Variants in ZCRB1 observed in about 807,000 individuals in gnomAD.
The protein encoded by ZCRB1 is zinc finger CCHC-type and RNA binding motif containing 1.
Under a neutral mutation model 29.9 loss-of-function variants are expected in ZCRB1, and 21 were observed. That is an observed-to-expected ratio of 0.70 (90% CI 0.50 to 1.01). The LOEUF (loss-of-function observed/expected upper bound fraction) is 1.01. Ranked by LOEUF, ZCRB1 falls within the 50% of genes least tolerant of loss-of-function variation. The probability of loss-of-function intolerance (pLI) is 0.00; values close to 1 mark genes in which losing one functional copy is unlikely to be tolerated. For missense variants in ZCRB1, 204 were observed against 253.3 expected (o/e 0.81, Z 1.32); for synonymous variants, 77 against 80.0 (o/e 0.96, Z 0.20).
intron 5 of ZCRB1, among the ~76,000 whole-genome samples, chr12:42,314,397 TAAAAAAAA>T (rs71084639): frequency 3.6e-5 from 1 of 27,756 alleles, no homozygotes; most frequent in Non-Finnish European, 5.9e-5. Flanking sequence ...CCGTCTCTAC[TAAAAAAAA>T]AAAAAAAAAA....
chr12:42,320,273 C>G (rs1236575349), intron 3 of ZCRB1, among the ~76,000 whole-genome samples: 1 of 152,136 alleles, frequency 6.6e-6, no homozygotes, highest in African/African-American at 2.4e-5. Flanking sequence ...CTAAATAGTA[C>G]CCACTTTGCT....
chr12:42,322,653 T>TAA (rs2068627603), intron 2 of ZCRB1, among the ~76,000 whole-genome samples: 1 of 152,226 alleles, frequency 6.6e-6, no homozygotes, highest in Non-Finnish European at 1.5e-5. Context: ...TGTCTGTTTC[T>TAA]AAATTTGACA....
At chr12:42,313,801 C>A (rs1413091301) in intron 6 of ZCRB1, 36 bp from the exon 7 acceptor site, 4 of 1,612,230 alleles carry the variant, frequency 2.5e-6, no homozygotes, top group Non-Finnish European at 3.4e-6. Context: ...ATGTAACCAA[C>A]CAATAATCAA....
chr12:42,316,635 T>A (rs529935397), intron 5 of ZCRB1, among the ~76,000 whole-genome samples: 1 of 152,194 alleles, frequency 6.6e-6, no homozygotes, highest in Non-Finnish European at 1.5e-5. Context: ...ATAAAAAACT[T>A]CAAAACACAA....
chr12:42,313,350 TTC>T, intron 7 of ZCRB1, 152 bp from the exon 8 acceptor site: 1 of 853,796 alleles, frequency 1.2e-6, no homozygotes, highest in Non-Finnish European at 1.7e-6. Context: ...TTCCCCTGAG[TTC>T]TGTCTCATCT....
chr12:42,316,897 T>C (rs1226876426), intron 5 of ZCRB1, among the ~76,000 whole-genome samples: 1 of 152,184 alleles, frequency 6.6e-6, no homozygotes, highest in African/African-American at 2.4e-5. Context: ...TGAATTTACT[T>C]TGATGAGTTT....
intron 7 of ZCRB1, among the ~76,000 whole-genome samples, 180 bp downstream of exon 7, chr12:42,313,510 A>G (rs973579706): frequency 1.3e-5 from 2 of 152,228 alleles, no homozygotes; most frequent in Non-Finnish European, 2.9e-5. Flanking sequence ...AAATCTAGGA[A>G]GAACCAATGG....
chr12:42,316,100 T>A (rs927468630), intron 5 of ZCRB1, among the ~76,000 whole-genome samples: 9 of 152,048 alleles, frequency 5.9e-5, no homozygotes, highest in Non-Finnish European at 1.5e-5. Context: ...ATTTTATGTT[T>A]ATTTTTATTT....
intron 5 of ZCRB1, among the ~76,000 whole-genome samples, chr12:42,314,732 A>G (rs546033264): frequency 2.1e-4 from 32 of 152,182 alleles, no homozygotes; most frequent in Non-Finnish European, 4.3e-4. Context: ...CAGGTGGGTC[A>G]CCTTAGGAAG....
chr12:42,315,559 T>C (rs1055149323), intron 5 of ZCRB1, among the ~76,000 whole-genome samples: 2 of 152,000 alleles, frequency 1.3e-5, no homozygotes, highest in African/African-American at 4.8e-5. Flanking sequence ...TTTAATGAAA[T>C]AACTTGAGAA....
chr12:42,320,069 A>T (rs1677602374), intron 3 of ZCRB1, among the ~76,000 whole-genome samples: 1 of 152,202 alleles, frequency 6.6e-6, no homozygotes, highest in Non-Finnish European at 1.5e-5. Context: ...ATTTAAAAGG[A>T]CAAATCTACT....
intron 3 of ZCRB1, among the ~76,000 whole-genome samples, chr12:42,321,999 G>C: frequency 6.6e-6 from 1 of 151,994 alleles, no homozygotes; most frequent in East Asian, 1.9e-4. Context: ...CATCCTGCAA[G>C]TCAGATGCAC....
rs2068716380 is a variant in ZCRB1, at chr12:42,325,932, G to A, written c.-11C>T. Reference sequence around the variant, plus strand: ...GCTGAGGAGGCGTTTACCTTCAGGTGGGTTGGGCCTGGGAGACCAGAAGAG... The same window carrying A: ...GCTGAGGAGGCGTTTACCTTCAGGTAGGTTGGGCCTGGGAGACCAGAAGAG... On this transcript the variant is annotated 5_prime_UTR_variant, in exon 1 of 8. Coordinates refer to ENST00000266529, the MANE Select transcript of ZCRB1 (RefSeq NM_033114.4). 6.6e-6 allele frequency: 1 copy of A among 152,398 alleles called. No homozygotes were observed. The highest frequency in any genetic ancestry group is 1.5e-5 in the Non-Finnish European group (1 of 68,168). The allele number at this position is 152,398 out of a possible 1,614,324, so 9.4% of individuals were successfully genotyped here. A position where few individuals can be genotyped will look rare whatever the true frequency, so the allele number is the denominator to read the frequency against.
intron 1 of ZCRB1, among the ~76,000 whole-genome samples, chr12:42,324,372 T>G (rs1046763306): frequency 9.2e-5 from 14 of 152,204 alleles, no homozygotes; most frequent in African/African-American, 3.1e-4. Context: ...GGTCTTGAAC[T>G]CCTGACCTCA....
chr12:42,324,028 G>A lies in ZCRB1; in HGVS notation c.75C>T (p.Asp25=), dbSNP rs139235476. Residue 25 remains aspartate (D), a synonymous_variant, in exon 2 of 8, where the codon GAC becomes GAT. Transcript: ENST00000266529. ...GATAAGATTTACTTACCCGGTACAAGTCATTGTTTGTCAGGGAAAAAGGCA... is the reference window on the plus strand; with the variant it reads ...GATAAGATTTACTTACCCGGTACAAATCATTGTTTGTCAGGGAAAAAGGCA... The part of the protein sequence containing the change: ...SNLPFSLTNN[D]LYRIFSKYGK... The A allele has an allele frequency of 1.2e-4, 186 of 1,613,716 alleles. 1 individual carries two copies. In the African/African-American group the frequency reaches 2.2e-3, roughly 19 times the overall value.
intron 3 of ZCRB1, among the ~76,000 whole-genome samples, chr12:42,321,299 G>C (rs548287041): frequency 2.0e-5 from 3 of 152,328 alleles, no homozygotes; most frequent in East Asian, 3.9e-4. Context: ...AGGTAAAAGG[G>C]AGTGGGCTCT....
At chr12:42,317,034 C>A (rs1231127675) in intron 5 of ZCRB1, among the ~76,000 whole-genome samples, 1 of 152,024 alleles carries the variant, frequency 6.6e-6, no homozygotes, top group Admixed American at 6.6e-5. Flanking sequence ...TAGGAAGACC[C>A]TGCCTCTACA....
chr12:42,317,519 C>T, intron 4 of ZCRB1, 72 bp from the exon 5 acceptor site: 1 of 1,266,472 alleles, frequency 7.9e-7, no homozygotes, highest in Non-Finnish European at 1.1e-6. Context: ...AATCAATTTT[C>T]TCAAATCTTC....
chr12:42,324,649 G>C (rs981694262), intron 1 of ZCRB1, among the ~76,000 whole-genome samples: 1 of 152,158 alleles, frequency 6.6e-6, no homozygotes, highest in Admixed American at 6.5e-5. Context: ...CTTTTTCCCA[G>C]TCACCACTTA....
Sources: allele counts gnomAD v4.1 joint callset (sites outside exome capture counted in the v4.1 genomes callset), GRCh38; gene constraint gnomAD v4.1.1; transcripts MANE v1.5; gene names NCBI Gene and HGNC (gene_info 2026-07-23, HGNC 2026-07-21).